Variants in BCL7C observed in about 807,000 individuals in gnomAD.
BCL7C encodes the protein B-cell CLL/lymphoma 7 protein family member C.
BCL7C carries 8 observed loss-of-function variants against 26.2 expected under a neutral mutation model. That is an observed-to-expected ratio of 0.30 (90% CI 0.18 to 0.55). The LOEUF is 0.55. Ranked by LOEUF, BCL7C falls within the 20% of genes least tolerant of loss-of-function variation. The pLI is 0.93. For synonymous variants in BCL7C, 90 were observed against 116.5 expected (o/e 0.77, Z 1.47); for missense variants, 262 against 298.5 (o/e 0.88, Z 0.90).
At chr16:30,839,669 C>T (rs2151359222) in intron 5 of BCL7C, among the ~76,000 whole-genome samples, 1 of 152,322 alleles carries the variant, frequency 6.6e-6, no homozygotes, top group Admixed American at 6.5e-5. Flanking sequence ...CAGCAAGGAG[C>T]TGACTTTGGC....
chr16:30,875,394 C>T (rs2054932617), intron 5 of BCL7C: 1 of 152,638 alleles, frequency 6.6e-6, no homozygotes, highest in Non-Finnish European at 1.5e-5. Context: ...AAGTCCGCCA[C>T]CGGCCGCTCT....
chr16:30,853,320 ACCAGC>A (rs2151366128), intron 5 of BCL7C, among the ~76,000 whole-genome samples: 1 of 152,116 alleles, frequency 6.6e-6, no homozygotes, highest in South Asian at 2.1e-4. Flanking sequence ...ACACACACAC[ACCAGC>A]CTAGGCCTAC....
Position 30,867,533 on chromosome 16 carries a change from C to T in BCL7C, c.528+21327G>A, listed in dbSNP as rs1352711272. On this transcript the variant is annotated intron_variant, in intron 5 of 5. Coordinates refer to the BCL7C transcript ENST00000380317. ...ATGTTGGTCTTTAAAATCAGAGACT[C>T]GGCCATCCCAGCACTTTGGAAGGCC... Among the ~76,000 whole-genome samples the T allele has an allele frequency of 3.3e-5, 5 of 152,088 alleles. No individual in the cohort carries two copies. The East Asian group carries it at 5.8e-4, about 18-fold the overall frequency.
chr16:30,892,559 G>T, intron 4 of BCL7C, 27 bp downstream of exon 4: 1 of 1,529,374 alleles, frequency 6.5e-7, no homozygotes, highest in South Asian at 1.3e-5. Context: ...TTAGAGGAGA[G>T]AGCTCCTGGG....
intron 5 of BCL7C, among the ~76,000 whole-genome samples, chr16:30,848,715 C>T (rs555142584): frequency 6.6e-6 from 1 of 151,946 alleles, no homozygotes; most frequent in Non-Finnish European, 1.5e-5. Flanking sequence ...CATGGTGAAA[C>T]TCCATCTCTA....
chr16:30,837,501 C>G (rs1369255259), intron 5 of BCL7C, among the ~76,000 whole-genome samples: 1 of 152,064 alleles, frequency 6.6e-6, no homozygotes, highest in African/African-American at 2.4e-5. Context: ...GCGCCCACCA[C>G]CACGCCCAGC....
intron 5 of BCL7C, among the ~76,000 whole-genome samples, chr16:30,843,168 C>T (rs189676246): frequency 1.2e-4 from 18 of 152,270 alleles, no homozygotes; most frequent in African/African-American, 2.2e-4. Context: ...CCGGCCACTG[C>T]GAGGCCATGA....
At chr16:30,891,137 C>T (rs2055222212) in intron 4 of BCL7C, among the ~76,000 whole-genome samples, 1 of 147,640 alleles carries the variant, frequency 6.8e-6, no homozygotes, top group Non-Finnish European at 1.5e-5. Context: ...CCACTGCTCT[C>T]CAGCCTGGGC....
chr16:30,872,133 T>G (rs1177824184), intron 5 of BCL7C, among the ~76,000 whole-genome samples: 1 of 152,066 alleles, frequency 6.6e-6, no homozygotes, highest in Admixed American at 6.6e-5. Context: ...AAGAATAAGA[T>G]GAGGAATAGG....
chr16:30,835,862 A>C (rs894478945), intron 5 of BCL7C, among the ~76,000 whole-genome samples: 3 of 150,982 alleles, frequency 2.0e-5, no homozygotes, highest in African/African-American at 2.4e-5. Context: ...AAAAAGAAAA[A>C]ATTTTTTTAG....
chr16:30,893,308 G>A lies in BCL7C; in HGVS notation c.93-18C>T, dbSNP rs765027584. 6 of 1,610,020 alleles carry A rather than the reference G, an allele frequency of 3.7e-6. No individual in the cohort carries two copies. Among genetic ancestry groups the A allele is most frequent in the South Asian group, 1.1e-5 (1 of 90,696 alleles). ...GCTTCTCCCTGTGGGAGGGTGGGGG[G>A]CTGGGTCAGAGAGGCCTGAGGGGAG... On this transcript the variant is annotated intron_variant, in intron 1 of 5. Transcript: ENST00000215115. The surrounding 1 kb of genome is among the most constrained non-coding windows in gnomAD (Gnocchi z 5.2).
In BCL7C at chr16:30,834,783, G is replaced by A. The variant is rs2054559258; in HGVS notation, c.*165C>T. ...TCGGGCGCCAGTGGCGAGCCAGATG[G>A]GTGCTGTGGCCTTAGGTTCGGGCAG... On this transcript the variant is annotated 3_prime_UTR_variant, in exon 6 of 6. Coordinates refer to the BCL7C transcript ENST00000380317. The surrounding 1 kb of genome is among the most constrained non-coding windows in gnomAD (Gnocchi z 4.3). 1.6e-6 allele frequency: 1 copy of A among 634,056 alleles called. No homozygotes were observed. The highest frequency in any genetic ancestry group is 2.6e-6 in the Non-Finnish European group (1 of 386,278). The allele number at this position is 634,056 out of a possible 1,614,324, so 39.3% of individuals were successfully genotyped here.
chr16:30,868,000 T>G (rs2054843865), intron 5 of BCL7C, among the ~76,000 whole-genome samples: 1 of 152,074 alleles, frequency 6.6e-6, no homozygotes, highest in South Asian at 2.1e-4. Context: ...TGATTTGATT[T>G]CATTTATTTA....
At chr16:30,887,736 G>A, downstream of BCL7C, 1 of 1,431,700 alleles carries the variant, frequency 7.0e-7, no homozygotes, top group African/African-American at 1.5e-5. Context: ...TGGTGCATGA[G>A]ACAAAACTGT....
intron 4 of BCL7C, among the ~76,000 whole-genome samples, chr16:30,890,082 A>G (rs1318534740): frequency 1.3e-5 from 2 of 152,086 alleles, no homozygotes; most frequent in Non-Finnish European, 2.9e-5. Context: ...TGCCAATCAG[A>G]CGGGTTTGAC....
At position 30,891,972 on chromosome 16, in the gene BCL7C, G is replaced by C. The variant is rs571669493; in HGVS notation, c.442+614C>G. On this transcript the variant is annotated intron_variant, in intron 4 of 5. Coordinates refer to ENST00000215115, the MANE Select transcript of BCL7C (RefSeq NM_004765.4). ...GAGACCTTGTCTCTAAAAAAAAGGGGGGGGAGGGCCGGGTGTGGGTGTGAT... is the reference window on the plus strand; with the variant it reads ...GAGACCTTGTCTCTAAAAAAAAGGGCGGGGAGGGCCGGGTGTGGGTGTGAT... Among the ~76,000 whole-genome samples, 922 of 150,160 alleles carry C rather than the reference G, an allele frequency of 6.1e-3. 6 individuals are homozygous for C. The highest frequency in any genetic ancestry group is 8.2e-3 in the Non-Finnish European group (555 of 67,620).
At chr16:30,875,995 C>T (rs2054943624) in intron 5 of BCL7C, 2 of 152,302 alleles carry the variant, frequency 1.3e-5, no homozygotes, top group Non-Finnish European at 2.9e-5. Context: ...TAACTCCATT[C>T]CTATCCCGCA....
At chr16:30,884,375 C>A (rs1490047525), downstream of BCL7C, among the ~76,000 whole-genome samples, 1 of 151,906 alleles carries the variant, frequency 6.6e-6, no homozygotes, top group African/African-American at 2.4e-5. Context: ...CAAAACCTGC[C>A]ATTTATTGAG....
downstream of BCL7C, among the ~76,000 whole-genome samples, chr16:30,887,561 AAGAGGGGTCCTGGGCCTCCC>A (rs1361943550): frequency 7.9e-5 from 12 of 151,606 alleles, no homozygotes; most frequent in African/African-American, 2.9e-4. Context: ...GCTGAGCAGG[AAGAGGGGTCCTGGGCCTCCC>A]AGAGGAGGAG....
Sources: allele counts gnomAD v4.1 joint callset (sites outside exome capture counted in the v4.1 genomes callset), GRCh38; gene constraint gnomAD v4.1.1; non-coding constraint Gnocchi (gnomAD v3.1); transcripts MANE v1.5; gene names NCBI Gene and HGNC (gene_info 2026-07-23, HGNC 2026-07-21).